The following TMEM87B variants were observed in gnomAD, a reference collection of about 807,000 sequenced individuals.
TMEM87B encodes the protein transmembrane protein 87B.
A neutral mutation model predicts 80.3 loss-of-function variants in TMEM87B; 83 were observed. The observed-to-expected ratio is 1.03, with a 90% CI of 0.87 to 1.24. The LOEUF (loss-of-function observed/expected upper bound fraction) is 1.24. TMEM87B is among the 50% of genes most tolerant of loss of function. The pLI is 0.00. For synonymous variants in TMEM87B, 219 were observed against 230.5 expected, an observed-to-expected ratio of 0.95 and a Z score of 0.45; for missense variants, 625 against 674.4, an observed-to-expected ratio of 0.93 and a Z score of 0.81.
chr2:112,089,180 C>G (rs1277789062), intron 9 of TMEM87B, among the ~76,000 whole-genome samples: 1 of 152,200 alleles, frequency 6.6e-6, no homozygotes, highest in South Asian at 2.1e-4. Flanking sequence ...CTCCTCATGT[C>G]CTGCTCTTCC....
At chr2:112,106,349 C>G (rs1263153892) in intron 16 of TMEM87B, among the ~76,000 whole-genome samples, 1 of 152,184 alleles carries the variant, frequency 6.6e-6, no homozygotes, top group Non-Finnish European at 1.5e-5. Context: ...TGCAGAGTCT[C>G]AGGCCTACCC....
chr2:112,098,645 G>T lies in TMEM87B; in HGVS notation c.1323G>T (p.Ser441=), dbSNP rs930180701. 6 of 1,613,860 alleles carry T rather than the reference G, an allele frequency of 3.7e-6. No individual in the cohort carries two copies. The highest frequency in any genetic ancestry group is 2.7e-5 in the African/African-American group (2 of 74,874). Residue 441 remains serine, a synonymous_variant, in exon 14 of 19, where the codon TCG becomes TCT. Transcript: ENST00000283206. Reference sequence around the variant, plus strand: ...ATGCATTTTGGAGCTTCCTTTTTTCGCTTATCCTTATTGTAATCATGTTTT... The same window carrying T: ...ATGCATTTTGGAGCTTCCTTTTTTCTCTTATCCTTATTGTAATCATGTTTT... The part of the protein sequence containing the change: ...VDDAFWSFLF[S]LILIVIMFLW...
At chr2:112,091,174 A>G (rs958810032) in intron 10 of TMEM87B, among the ~76,000 whole-genome samples, 3 of 151,792 alleles carry the variant, frequency 2.0e-5, no homozygotes, top group Non-Finnish European at 4.4e-5. Flanking sequence ...TGGGAGGCAG[A>G]GGTTGCAGTG....
chr2:112,113,322 A>G (rs1679972267), intron 18 of TMEM87B, among the ~76,000 whole-genome samples: 1 of 152,216 alleles, frequency 6.6e-6, no homozygotes, highest in South Asian at 2.1e-4. Context: ...TTTTGGGAAA[A>G]AAATTAGCTG....
Position 112,118,236 on chromosome 2 carries a change from C to T in TMEM87B, c.*2093C>T, listed in dbSNP as rs183664432. The T allele has an allele frequency of 6.6e-6, 1 of 152,126 alleles. No homozygotes were observed. Among genetic ancestry groups the T allele is most frequent in the East Asian group, 1.9e-4 (1 of 5,180 alleles). The allele number at this position is 152,126 out of a possible 1,614,324, so 9.4% of individuals were successfully genotyped here. ...ATGAAGGGTCTTCTTAGGCCCCTTA[C>T]ATACGCAAGAGGGGTGCTCTAGTGC... On this transcript the variant is annotated 3_prime_UTR_variant, in exon 19 of 19. Coordinates refer to ENST00000283206, the MANE Select transcript of TMEM87B (RefSeq NM_032824.3).
chr2:112,105,923 T>C, intron 15 of TMEM87B, 79 bp from the exon 16 acceptor site: 1 of 1,039,160 alleles, frequency 9.6e-7, no homozygotes. Context: ...TATAGTATTT[T>C]TTCTTATCAG....
chr2:112,073,459 T>TGA (rs1245410188), intron 4 of TMEM87B, among the ~76,000 whole-genome samples: 1 of 152,230 alleles, frequency 6.6e-6, no homozygotes, highest in African/African-American at 2.4e-5. Flanking sequence ...TGTTGTGGTC[T>TGA]GAGAGAGTGG....
chr2:112,098,755 G>A, intron 14 of TMEM87B, 57 bp downstream of exon 14: 1 of 1,507,504 alleles, frequency 6.6e-7, no homozygotes, highest in Non-Finnish European at 9.2e-7. Flanking sequence ...CTTCTATAGT[G>A]TCAAGAACAC....
intron 5 of TMEM87B, among the ~76,000 whole-genome samples, chr2:112,075,418 A>T (rs1423657417): frequency 6.6e-6 from 1 of 152,180 alleles, no homozygotes. Flanking sequence ...GTTTTCTTAT[A>T]TATGTCTATA....
chr2:112,055,732 G>A lies in TMEM87B; in HGVS notation c.141G>A (p.Gly47=), dbSNP rs1678028469. 2 of 1,522,536 alleles carry A rather than the reference G, an allele frequency of 1.3e-6. No homozygotes were observed. The highest frequency in any genetic ancestry group is 1.8e-6 in the Non-Finnish European group (2 of 1,142,468). The allele number at this position is 1,522,536 out of a possible 1,614,324, so 94.3% of individuals were successfully genotyped here. Residue 47 remains glycine, a synonymous_variant, in exon 1 of 19, where the codon GGG becomes GGA. Coordinates refer to ENST00000283206, the MANE Select transcript of TMEM87B (RefSeq NM_032824.3). ...PAAVRAVPEL[G]LWLETVNDKS... The stretch of plus-strand genomic sequence containing the variant: ...CTGTGCGCGCGGTCCCTGAGCTCGG[G>A]CTCTGGTTAGAGACAGTCAACGACG...
chr2:112,080,658 A>G (rs776555333), intron 6 of TMEM87B, among the ~76,000 whole-genome samples: 1 of 152,138 alleles, frequency 6.6e-6, no homozygotes, highest in Non-Finnish European at 1.5e-5. Flanking sequence ...TGGCTTGCTA[A>G]TTTTATCTCC....
intron 8 of TMEM87B, among the ~76,000 whole-genome samples, chr2:112,084,716 A>G (rs1401049024): frequency 6.6e-6 from 1 of 152,204 alleles, no homozygotes; most frequent in African/African-American, 2.4e-5. Context: ...TTTTCTGAAT[A>G]TCTTTCTGAA....
At chr2:112,098,317 G>A (rs116670306) in intron 13 of TMEM87B, among the ~76,000 whole-genome samples, 1 of 152,230 alleles carries the variant, frequency 6.6e-6, no homozygotes, top group African/African-American at 2.4e-5. Context: ...CTTAGTATTT[G>A]CCATTTGAAA....
At chr2:112,080,408 C>CCT (rs1558837316) in intron 6 of TMEM87B, among the ~76,000 whole-genome samples, 3 of 152,024 alleles carry the variant, frequency 2.0e-5, no homozygotes, top group Admixed American at 2.0e-4. Flanking sequence ...TACAGGTGCT[C>CCT]GCCACCACGC....
intron 2 of TMEM87B, among the ~76,000 whole-genome samples, 187 bp from the exon 3 acceptor site, chr2:112,063,975 T>C (rs372789398): frequency 1.3e-5 from 2 of 152,260 alleles, no homozygotes; most frequent in South Asian, 2.1e-4. Flanking sequence ...CAGCAGCTTT[T>C]GGTTAACTGT....
intron 6 of TMEM87B, among the ~76,000 whole-genome samples, chr2:112,078,636 C>A (rs1573699165): frequency 6.6e-6 from 1 of 152,224 alleles, no homozygotes; most frequent in Admixed American, 6.5e-5. Context: ...GTGCCCACTT[C>A]TTTCCCAGGC....
intron 5 of TMEM87B, among the ~76,000 whole-genome samples, chr2:112,076,349 G>A (rs916563340): frequency 4.6e-5 from 7 of 152,142 alleles, no homozygotes; most frequent in African/African-American, 1.7e-4. Flanking sequence ...AGAAAAAAGA[G>A]GTTTTTTTGA....
At position 112,064,168 on chromosome 2, in the gene TMEM87B, C is replaced by A; in HGVS notation, c.233C>A (p.Ser78Ter). 6.2e-7 allele frequency: 1 copy of A among 1,613,266 alleles called. No individual in the cohort carries two copies. The highest frequency in any genetic ancestry group is 1.1e-5 in the South Asian group (1 of 91,000). The change falls in exon 3 of 19, where the codon TCA becomes TAA. Residue 78 changes from serine (S) to a stop codon, truncating the protein, a stop_gained. Coordinates refer to ENST00000283206, the MANE Select transcript of TMEM87B (RefSeq NM_032824.3). LOFTEE classifies it high-confidence loss of function. ...NSTDIKLSVK[S>*]FHCSGPVKFT... ...ACTTTCTTTTTCTAAACAGTTAAGT[C>A]ATTCCATTGTTCTGGGCCTGTGAAG...
chr2:112,076,206 C>T (rs1005229707), intron 5 of TMEM87B, among the ~76,000 whole-genome samples: 10 of 151,822 alleles, frequency 6.6e-5, no homozygotes, highest in Admixed American at 5.2e-4. Context: ...GAGACAAGAT[C>T]GCACCATTGC....
Sources: gnomAD v4.1 joint callset for allele counts (sites outside exome capture counted in the v4.1 genomes callset) on GRCh38, gnomAD v4.1.1 for gene constraint, MANE v1.5 for transcripts, NCBI Gene and HGNC (gene_info 2026-07-23, HGNC 2026-07-21) for gene names.